PCGF5: variants seen among roughly 807,000 people sequenced by gnomAD.
PCGF5 encodes polycomb group RING finger protein 5.
PCGF5 carries 9 observed loss-of-function variants against 44.3 expected under a neutral mutation model. That is an observed-to-expected ratio of 0.20 (90% CI 0.12 to 0.35). PCGF5 has a LOEUF of 0.35. Among genes scored for constraint, PCGF5 ranks in the 10% least tolerant of loss-of-function variants. PCGF5 has a pLI of 1.00. For synonymous variants in PCGF5, 95 were observed against 102.5 expected (o/e 0.93, Z 0.44); for missense variants, 146 against 305.3 (o/e 0.48, Z 3.89).
chr10:91,187,995 C>CTTG (rs1327712470), intron 1 of PCGF5, among the ~76,000 whole-genome samples: 5 of 149,928 alleles, frequency 3.3e-5, no homozygotes, highest in South Asian at 2.1e-4. Flanking sequence ...TATTATTATA[C>CTTG]TTTTAAGTTT....
chr10:91,231,988 C>T (rs1369313119), intron 2 of PCGF5, among the ~76,000 whole-genome samples: 1 of 152,022 alleles, frequency 6.6e-6, no homozygotes, highest in East Asian at 1.9e-4. Flanking sequence ...ACTTATGACT[C>T]CTGGAATGAT....
At position 91,184,709 on chromosome 10, in the gene PCGF5, T is replaced by G. The variant is rs139768818; in HGVS notation, c.-184+21628T>G. 5.2e-3 allele frequency among the ~76,000 whole-genome samples: 796 copies of G among 152,204 alleles called. 7 individuals carry two copies. Among genetic ancestry groups the G allele is most frequent in the African/African-American group, 0.018 (745 of 41,482 alleles). On this transcript the variant is annotated intron_variant, in intron 1 of 9. Coordinates refer to the PCGF5 transcript ENST00000614189. ...TGTGGGCTTATCTACCTTCAGTATTTGAGGTTGCTGTTTTGTTTTTTTTTT... is the reference window on the plus strand; with the variant it reads ...TGTGGGCTTATCTACCTTCAGTATTGGAGGTTGCTGTTTTGTTTTTTTTTT...
intron 1 of PCGF5, among the ~76,000 whole-genome samples, chr10:91,170,165 A>C (rs777801248): frequency 1.4e-4 from 22 of 152,246 alleles, no homozygotes; most frequent in Non-Finnish European, 2.8e-4. Flanking sequence ...TAAAACTGTA[A>C]AACTCCTAGA....
intron 6 of PCGF5, among the ~76,000 whole-genome samples, chr10:91,253,131 T>A (rs1360914637): frequency 1.3e-5 from 2 of 151,996 alleles, no homozygotes; most frequent in Non-Finnish European, 2.9e-5. Flanking sequence ...TCTCTGTATC[T>A]ATTTTAGGAG....
At chr10:91,266,866 A>T (rs1846058384) in intron 8 of PCGF5, among the ~76,000 whole-genome samples, 1 of 152,060 alleles carries the variant, frequency 6.6e-6, no homozygotes. Context: ...CATCCACTTC[A>T]CTACTAGTCC....
chr10:91,266,120 G>A (rs774310954), intron 8 of PCGF5, among the ~76,000 whole-genome samples: 4 of 152,176 alleles, frequency 2.6e-5, no homozygotes, highest in Non-Finnish European at 5.9e-5. Context: ...ACCCAATACT[G>A]TTGAGGAATG....
intron 2 of PCGF5, among the ~76,000 whole-genome samples, chr10:91,226,847 C>G (rs1449884164): frequency 6.6e-6 from 1 of 152,142 alleles, no homozygotes; most frequent in East Asian, 1.9e-4. Flanking sequence ...TCATAAAAAC[C>G]ACATATTTAG....
At position 91,264,447 on chromosome 10, in the gene PCGF5, A is replaced by T. The variant is rs747459481; in HGVS notation, c.590A>T (p.Asn197Ile). The change falls in exon 8 of 10, where the codon AAT (asparagine) becomes ATT (isoleucine). Residue 197 changes from asparagine to isoleucine, a missense_variant. Around this residue, in one of 3 missense-constraint regions of PCGF5, gnomAD observed 123 missense variants for 268.6 expected, o/e 0.46. Transcript: ENST00000336126. ...PSSYELDVLC[N>I]GEIMGKDHTM... ...TTTTTAAAGTTGGATGTGCTGTGCA[A>T]TGGTGAAATTATGGGGAAGGATCAT... The T allele has an allele frequency of 6.2e-7, 1 of 1,610,598 alleles. No homozygotes were observed. Among genetic ancestry groups the T allele is most frequent in the South Asian group, 1.1e-5 (1 of 90,418 alleles).
chr10:91,268,063 T>C (rs575628671), intron 8 of PCGF5, among the ~76,000 whole-genome samples: 1 of 152,274 alleles, frequency 6.6e-6, no homozygotes, highest in African/African-American at 2.4e-5. Context: ...AACCTTATTG[T>C]TTTGAGATGT....
At chr10:91,261,003 A>C (rs1034677990) in intron 6 of PCGF5, among the ~76,000 whole-genome samples, 1 of 151,360 alleles carries the variant, frequency 6.6e-6, no homozygotes, top group Non-Finnish European at 1.5e-5. Flanking sequence ...AAATATATAT[A>C]TTTTTATGCT....
At chr10:91,186,792 G>A (rs143338803) in intron 1 of PCGF5, among the ~76,000 whole-genome samples, 25 of 152,116 alleles carry the variant, frequency 1.6e-4, no homozygotes, top group Non-Finnish European at 2.8e-4. Context: ...TTCTTTCCAC[G>A]TATAGGGAGC....
At chr10:91,172,193 G>A (rs1036747679) in intron 1 of PCGF5, among the ~76,000 whole-genome samples, 1 of 151,962 alleles carries the variant, frequency 6.6e-6, no homozygotes. Context: ...GGGAGGAGGA[G>A]GTGGGCAGAT....
chr10:91,254,020 C>A (rs1213862679), intron 6 of PCGF5, among the ~76,000 whole-genome samples: 2 of 151,982 alleles, frequency 1.3e-5, no homozygotes, highest in East Asian at 1.9e-4. Flanking sequence ...AAGTTTGCCA[C>A]CTTTTGGCCT....
At chr10:91,165,898 T>A (rs1843491637) in intron 1 of PCGF5, among the ~76,000 whole-genome samples, 1 of 152,192 alleles carries the variant, frequency 6.6e-6, no homozygotes. Context: ...GTAGCAATAT[T>A]TTCAGGACTC....
intron 1 of PCGF5, among the ~76,000 whole-genome samples, chr10:91,176,326 C>G (rs1286030221): frequency 1.3e-5 from 2 of 152,234 alleles, no homozygotes; most frequent in African/African-American, 4.8e-5. Flanking sequence ...CAACCTTTCT[C>G]TCTGACTGCC....
At chr10:91,236,206 G>A (rs1308304643) in intron 2 of PCGF5, among the ~76,000 whole-genome samples, 1 of 152,196 alleles carries the variant, frequency 6.6e-6, no homozygotes, top group Admixed American at 6.5e-5. Flanking sequence ...GAGCTGCGCA[G>A]CCCAGGGATG....
At chr10:91,241,499 C>T (rs548580381) in intron 3 of PCGF5, among the ~76,000 whole-genome samples, 1 of 152,200 alleles carries the variant, frequency 6.6e-6, no homozygotes, top group African/African-American at 2.4e-5. Flanking sequence ...ATGCCACTTC[C>T]CAGCTACAGG....
chr10:91,215,993 A>G (rs1844532445), upstream of PCGF5, among the ~76,000 whole-genome samples: 1 of 152,256 alleles, frequency 6.6e-6, no homozygotes, highest in Non-Finnish European at 1.5e-5. Context: ...ACATAGGATC[A>G]GTTCTTAGAA....
intron 1 of PCGF5, among the ~76,000 whole-genome samples, chr10:91,177,733 C>T (rs1453692907): frequency 6.6e-6 from 1 of 152,200 alleles, no homozygotes; most frequent in Non-Finnish European, 1.5e-5. Flanking sequence ...TCCTGGTGCG[C>T]CATTTGCTAA....
Sources: allele counts gnomAD v4.1 joint callset (sites outside exome capture counted in the v4.1 genomes callset), GRCh38; gene constraint gnomAD v4.1.1; regional missense constraint gnomAD v4.1.1; transcripts MANE v1.5; gene names NCBI Gene and HGNC (gene_info 2026-07-23, HGNC 2026-07-21).